PLA2G4E: variants seen among roughly 807,000 people sequenced by gnomAD.
PLA2G4E encodes the protein cytosolic phospholipase A2 epsilon.
A neutral mutation model predicts 109.1 loss-of-function variants in PLA2G4E; 84 were observed. The ratio of observed to expected loss-of-function variants is 0.77; its 90% CI spans 0.65 to 0.92. PLA2G4E has a LOEUF of 0.92. Among genes scored for constraint, PLA2G4E ranks in the 40% least tolerant of loss-of-function variants. PLA2G4E has a pLI of 0.00. For missense variants in PLA2G4E, 1,057 were observed against 1,076.6 expected, an observed-to-expected ratio of 0.98 and a Z score of 0.25; for synonymous variants, 469 against 436.1, an observed-to-expected ratio of 1.08 and a Z score of -0.94.
At chr15:42,000,673 C>A (rs1037939880) in intron 7 of PLA2G4E, among the ~76,000 whole-genome samples, 2 of 152,186 alleles carry the variant, frequency 1.3e-5, no homozygotes, top group African/African-American at 4.8e-5. Context: ...TGTCTGGTAG[C>A]CTTGCATGGG....
chr15:41,999,683 T>C, intron 9 of PLA2G4E, 122 bp from the exon 10 acceptor site: 2 of 1,269,774 alleles, frequency 1.6e-6, no homozygotes, highest in South Asian at 1.4e-5. Flanking sequence ...GCTCCATCCC[T>C]GCCTCTCTCT....
At chr15:42,005,122 T>C in intron 4 of PLA2G4E, 144 bp from the exon 5 acceptor site, 1 of 956,258 alleles carries the variant, frequency 1.0e-6, no homozygotes, top group Non-Finnish European at 1.6e-6. Flanking sequence ...GTGCTTGTGG[T>C]CTCCTCTGCC....
At chr15:41,995,112 C>T (rs1349207166) in intron 12 of PLA2G4E, among the ~76,000 whole-genome samples, 6 of 152,244 alleles carry the variant, frequency 3.9e-5, no homozygotes, top group Non-Finnish European at 7.3e-5. Flanking sequence ...TACTTAGTAG[C>T]GGGAGAGCGT....
chr15:42,047,863 CT>C (rs1889441378), intron 1 of PLA2G4E, among the ~76,000 whole-genome samples: 1 of 152,142 alleles, frequency 6.6e-6, no homozygotes, highest in East Asian at 1.9e-4. Context: ...CACAAAAATC[CT>C]AATAAATTTT....
chr15:42,033,017 G>A (rs1889141959), intron 1 of PLA2G4E, among the ~76,000 whole-genome samples: 1 of 152,154 alleles, frequency 6.6e-6, no homozygotes, highest in South Asian at 2.1e-4. Flanking sequence ...TGAGTATGCT[G>A]TGAGCATGTA....
intron 2 of PLA2G4E, chr15:42,009,038 CTGAAGTCTGGTTAATCTT>C (rs1183923226): frequency 5.3e-5 from 8 of 152,226 alleles, no homozygotes; most frequent in African/African-American, 1.9e-4. Flanking sequence ...GATTTCATCC[CTGAAGTCTGGTTAATCTT>C]TGAGGCCTCA....
At chr15:42,026,562 T>C (rs1566848160) in intron 1 of PLA2G4E, among the ~76,000 whole-genome samples, 3 of 152,226 alleles carry the variant, frequency 2.0e-5, no homozygotes. Context: ...AATATGGGAA[T>C]AGAGTCACCA....
chr15:42,014,117 CCTT>C (rs2068565778), intron 1 of PLA2G4E, among the ~76,000 whole-genome samples: 1 of 151,956 alleles, frequency 6.6e-6, no homozygotes, highest in South Asian at 2.1e-4. Flanking sequence ...GTCTTGAACT[CCTT>C]ATGTCAGGTG....
intron 15 of PLA2G4E, 71 bp from the exon 16 acceptor site, chr15:41,988,227 A>T (rs1317731580): frequency 8.8e-6 from 8 of 904,842 alleles, no homozygotes; most frequent in African/African-American, 7.9e-5. Flanking sequence ...TTGATTCCCC[A>T]CTCCCCCCAC....
intron 1 of PLA2G4E, 93 bp from the exon 2 acceptor site, chr15:42,013,850 G>C (rs554331977): frequency 1.1e-6 from 1 of 933,112 alleles, no homozygotes; most frequent in South Asian, 1.5e-5. Context: ...TCCTCAGGCC[G>C]GCCCAGTTGC....
At chr15:41,998,740 A>G (rs976911229) in intron 10 of PLA2G4E, 4 of 152,274 alleles carry the variant, frequency 2.6e-5, no homozygotes, top group African/African-American at 9.6e-5. Context: ...CAAGTCTTAG[A>G]AAAAAACATG....
At chr15:42,041,317 A>C (rs1346159584) in intron 1 of PLA2G4E, among the ~76,000 whole-genome samples, 1 of 117,662 alleles carries the variant, frequency 8.5e-6, no homozygotes, top group Non-Finnish European at 2.1e-5. Context: ...TGATGGGTAA[A>C]AGGAAAAAAA....
intron 1 of PLA2G4E, among the ~76,000 whole-genome samples, chr15:42,015,250 T>G (rs2068577378): frequency 1.3e-5 from 2 of 152,188 alleles, no homozygotes; most frequent in South Asian, 4.1e-4. Context: ...CCAGAGGCCC[T>G]GAAACCCCCT....
intron 1 of PLA2G4E, among the ~76,000 whole-genome samples, chr15:42,022,247 G>A (rs952409118): frequency 6.6e-6 from 1 of 152,302 alleles, no homozygotes; most frequent in Admixed American, 6.5e-5. Flanking sequence ...GGGCATCTTA[G>A]AAGGATCGAT....
chr15:41,997,916 A>T (rs577497696), intron 10 of PLA2G4E: 3 of 150,508 alleles, frequency 2.0e-5, no homozygotes, highest in African/African-American at 7.4e-5. Context: ...TTTTAATCAC[A>T]TCCCTGCCCC....
intron 1 of PLA2G4E, among the ~76,000 whole-genome samples, chr15:42,041,489 T>TGGGGTTGGGGAAA (rs1566852260): frequency 6.6e-6 from 1 of 152,094 alleles, no homozygotes; most frequent in Non-Finnish European, 1.5e-5. Context: ...ACGAGCCTCC[T>TGGGGTTGGGGAAA]GGGGTTGGGG....
intron 8 of PLA2G4E, 24 bp downstream of exon 8, chr15:42,000,080 C>T: frequency 6.3e-7 from 1 of 1,576,806 alleles, no homozygotes; most frequent in Non-Finnish European, 8.6e-7. Context: ...CCCCACACCT[C>T]CCCCAGTGTC....
intron 1 of PLA2G4E, among the ~76,000 whole-genome samples, chr15:42,043,083 T>C (rs1219719313): frequency 6.6e-6 from 1 of 152,122 alleles, no homozygotes; most frequent in Non-Finnish European, 1.5e-5. Context: ...GCCTGGAAGG[T>C]GCAGAGGAGA....
rs182667722 is a variant in PLA2G4E at position 41,995,374 on chromosome 15, T to C, written c.1233A>G (p.Leu411=). Reference sequence around the variant, plus strand: ...TGTCTCCTTACCAGGTGGCCCCTGATAGACCGGTGATGTAGCTGGCACAGT... The same window carrying C: ...TGTCTCCTTACCAGGTGGCCCCTGACAGACCGGTGATGTAGCTGGCACAGT... The change falls in exon 12 of 20, where the codon CTA becomes CTG. Residue 411 remains leucine (L), a synonymous_variant. Transcript: ENST00000399518. 80 of 1,613,418 alleles carry C rather than the reference T, an allele frequency of 5.0e-5. No homozygotes were observed. The Admixed American group carries it at 1.0e-3, about 21-fold the overall frequency.
Sources: allele counts gnomAD v4.1 joint callset (sites outside exome capture counted in the v4.1 genomes callset), GRCh38; gene constraint gnomAD v4.1.1; transcripts MANE v1.5; gene names NCBI Gene and HGNC (gene_info 2026-07-23, HGNC 2026-07-21).